ADAM17: variants seen among roughly 807,000 people sequenced by gnomAD.
ADAM17 encodes the protein disintegrin and metalloproteinase domain-containing protein 17.
Under a neutral mutation model 96.7 loss-of-function variants are expected in ADAM17, and 39 were observed. The ratio of observed to expected loss-of-function variants is 0.40; its 90% CI spans 0.31 to 0.53. ADAM17 has a LOEUF of 0.53. Ranked by LOEUF, ADAM17 falls within the 20% of genes least tolerant of loss-of-function variation. The probability of loss-of-function intolerance (pLI) is 0.44; values close to 1 mark genes in which losing one functional copy is unlikely to be tolerated. For missense variants in ADAM17, 777 were observed against 1,013.2 expected (o/e 0.77, Z 3.17); for synonymous variants, 344 against 359.2 (o/e 0.96, Z 0.48).
intron 10 of ADAM17, among the ~76,000 whole-genome samples, chr2:9,510,380 G>C (rs1364440078): frequency 2.0e-5 from 3 of 152,018 alleles, no homozygotes; most frequent in Non-Finnish European, 4.4e-5. Flanking sequence ...ATATTAACCA[G>C]GTGGGCTAGG....
At chr2:9,518,756 TAAAG>T (rs1664182480) in intron 8 of ADAM17, among the ~76,000 whole-genome samples, 1 of 152,140 alleles carries the variant, frequency 6.6e-6, no homozygotes, top group Non-Finnish European at 1.5e-5. Flanking sequence ...GTTACTAAAA[TAAAG>T]ATTTTACATC....
chr2:9,528,205 G>A (rs936920345), intron 4 of ADAM17, among the ~76,000 whole-genome samples: 17 of 152,194 alleles, frequency 1.1e-4, no homozygotes, highest in Middle Eastern at 6.8e-3. Flanking sequence ...TACTTTGCAC[G>A]TTGTGAAATC....
chr2:9,555,727 C>T lies in ADAM17; in HGVS notation c.-122G>A, dbSNP rs1282758163. On this transcript the variant is annotated 5_prime_UTR_variant, in exon 1 of 19. Transcript: ENST00000310823. The stretch of plus-strand genomic sequence containing the variant: ...GGCCTAGCCCCTCAATCCTCTTTTC[C>T]CTCCCGCGCCGCCTACTGGGAAGAT... 2.6e-6 allele frequency: 2 copies of T among 765,936 alleles called. No individual in the cohort carries two copies. The highest frequency in any genetic ancestry group is 3.9e-6 in the Non-Finnish European group (2 of 519,062). The allele number at this position is 765,936 out of a possible 1,614,324, so 47.4% of individuals were successfully genotyped here.
At chr2:9,528,375 T>G (rs568274248) in intron 4 of ADAM17, among the ~76,000 whole-genome samples, 19 of 152,318 alleles carry the variant, frequency 1.2e-4, no homozygotes, top group African/African-American at 4.3e-4. Context: ...TCATTTTAGT[T>G]TCCTTAATAC....
chr2:9,497,246 T>TTA lies in ADAM17; in HGVS notation c.1650_1651insTA (p.Asn551Ter), dbSNP rs1317055277. ...CCTGGAGGCGGGCACTCACTGCTATTACCTGGAAGCAAACACCAGTCATAA... is the reference window on the plus strand; with the variant it reads ...CCTGGAGGCGGGCACTCACTGCTATTTAACCTGGAAGCAAACACCAGTCATAA... On this transcript the variant is annotated frameshift_variant and splice_region_variant, in exon 14 of 19. Coordinates refer to ENST00000310823, the MANE Select transcript of ADAM17 (RefSeq NM_003183.6). LOFTEE classifies it high-confidence loss of function. 6.2e-7 allele frequency: 1 copy of TTA among 1,614,112 alleles called. No homozygotes were observed. Among genetic ancestry groups the TTA allele is most frequent in the South Asian group, 1.1e-5 (1 of 91,084 alleles).
chr2:9,493,844 C>T lies in ADAM17; in HGVS notation c.1915-19G>A, dbSNP rs369055217. The T allele has an allele frequency of 3.8e-6, 6 of 1,588,452 alleles. No individual in the cohort carries two copies. The highest frequency in any genetic ancestry group is 4.3e-6 in the Non-Finnish European group (5 of 1,157,372). On this transcript the variant is annotated intron_variant, in intron 15 of 18. Coordinates refer to ENST00000310823, the MANE Select transcript of ADAM17 (RefSeq NM_003183.6). Reference sequence around the variant, plus strand: ...ATTTGCCCTATGAAGAAAAAACATACATACAGCATCATTCCCAAACACAAT... The same window carrying T: ...ATTTGCCCTATGAAGAAAAAACATATATACAGCATCATTCCCAAACACAAT...
At chr2:9,511,183 T>C (rs1398298625) in intron 10 of ADAM17, among the ~76,000 whole-genome samples, 1 of 152,078 alleles carries the variant, frequency 6.6e-6, no homozygotes, top group Non-Finnish European at 1.5e-5. Context: ...GCGCAGTGGC[T>C]CACACCTGTA....
chr2:9,518,368 G>C (rs964864849), intron 8 of ADAM17, 121 bp from the exon 9 acceptor site: 43 of 1,207,664 alleles, frequency 3.6e-5, no homozygotes, highest in Non-Finnish European at 4.6e-5. Context: ...ATGGCATGCA[G>C]CTCAGCACCA....
intron 10 of ADAM17, among the ~76,000 whole-genome samples, chr2:9,515,633 A>T (rs1423438687): frequency 1.3e-5 from 2 of 151,458 alleles, no homozygotes; most frequent in African/African-American, 4.9e-5. Flanking sequence ...GCTACTCAGG[A>T]GACTGAGGCA....
In ADAM17 at chr2:9,535,897, G is replaced by A; in HGVS notation, c.387C>T (p.Ala129=). Residue 129 remains alanine, a synonymous_variant, in exon 4 of 19, where the codon GCC becomes GCT. Transcript: ENST00000310823. ...TTATAACATCATCATCTCTTATGTG[G>A]GCTAGAACCCTAGAGTCAGGCTCAC... is the stretch of plus-strand genomic sequence containing the variant. ...VVGEPDSRVL[A]HIRDDDVIIR... The A allele has an allele frequency of 1.3e-6, 2 of 1,596,256 alleles. No individual in the cohort carries two copies. The highest frequency in any genetic ancestry group is 1.1e-5 in the South Asian group (1 of 87,260).
At chr2:9,522,611 CA>C (rs1664358860) in intron 7 of ADAM17, among the ~76,000 whole-genome samples, 1 of 152,030 alleles carries the variant, frequency 6.6e-6, no homozygotes, top group Non-Finnish European at 1.5e-5. Context: ...TGGTTTACTA[CA>C]AAAAGCTTGG....
intron 5 of ADAM17, among the ~76,000 whole-genome samples, chr2:9,526,734 T>G (rs1239689821): frequency 6.6e-6 from 1 of 151,998 alleles, no homozygotes; most frequent in Non-Finnish European, 1.5e-5. Flanking sequence ...GTGCGGAGGT[T>G]GCAGTGAGCC....
intron 1 of ADAM17, among the ~76,000 whole-genome samples, chr2:9,543,849 TAGTAC>T (rs1434475466): frequency 6.6e-6 from 1 of 152,210 alleles, no homozygotes. Flanking sequence ...TAATATTTGA[TAGTAC>T]AGTACAGAAA....
Position 9,500,553 on chromosome 2 carries a change from T to C in ADAM17, c.1648+1620A>G, listed in dbSNP as rs1056265109. Among the ~76,000 whole-genome samples, 14 of 152,192 alleles carry C rather than the reference T, an allele frequency of 9.2e-5. No homozygotes were observed. In the East Asian group the frequency reaches 1.2e-3, roughly 13 times the overall value. Reference sequence around the variant, plus strand: ...ACTTTAAATGGGCAAACTACATGAGTGTGAATTATGTATCAATAAAGCTAT... The same window carrying C: ...ACTTTAAATGGGCAAACTACATGAGCGTGAATTATGTATCAATAAAGCTAT... On this transcript the variant is annotated intron_variant, in intron 13 of 18. Coordinates refer to ENST00000310823, the MANE Select transcript of ADAM17 (RefSeq NM_003183.6).
intron 6 of ADAM17, among the ~76,000 whole-genome samples, chr2:9,523,570 T>C (rs568470136): frequency 6.6e-6 from 1 of 152,212 alleles, no homozygotes; most frequent in African/African-American, 2.4e-5. Context: ...TTAACCTAAA[T>C]TTCAGGTACT....
intron 10 of ADAM17, among the ~76,000 whole-genome samples, chr2:9,513,142 G>GCAC (rs1663836309): frequency 6.6e-6 from 1 of 152,084 alleles, no homozygotes; most frequent in Non-Finnish European, 1.5e-5. Context: ...TTATAGGCAT[G>GCAC]CACCACCACA....
intron 1 of ADAM17, among the ~76,000 whole-genome samples, chr2:9,545,151 T>A (rs545772554): frequency 6.6e-6 from 1 of 152,306 alleles, no homozygotes; most frequent in African/African-American, 2.4e-5. Context: ...CAACTGGGAA[T>A]TTGTTAAAAA....
intron 11 of ADAM17, among the ~76,000 whole-genome samples, chr2:9,506,442 T>C (rs1166570514): frequency 2.0e-5 from 3 of 150,270 alleles, no homozygotes; most frequent in African/African-American, 7.4e-5. Context: ...TCTTGGCTTA[T>C]TGTAACCTCC....
intron 11 of ADAM17, chr2:9,506,764 A>G (rs1343418731): frequency 1.3e-5 from 2 of 152,214 alleles, no homozygotes; most frequent in South Asian, 2.1e-4. Flanking sequence ...AACATCATGT[A>G]TCTCTGGGTT....
Sources: allele counts gnomAD v4.1 joint callset (sites outside exome capture counted in the v4.1 genomes callset), GRCh38; gene constraint gnomAD v4.1.1; transcripts MANE v1.5; gene names NCBI Gene and HGNC (gene_info 2026-07-23, HGNC 2026-07-21).